Variants in RSRC1 observed in about 807,000 individuals in gnomAD.
The protein encoded by RSRC1 is arginine and serine rich coiled-coil 1.
Under a neutral mutation model 49.1 loss-of-function variants are expected in RSRC1, and 39 were observed. The ratio of observed to expected loss-of-function variants is 0.79; its 90% CI spans 0.61 to 1.04. The LOEUF (loss-of-function observed/expected upper bound fraction) is 1.04. Ranked by LOEUF, RSRC1 falls within the 50% of genes least tolerant of loss-of-function variation. The pLI is 0.00. For synonymous variants in RSRC1, 143 were observed against 130.8 expected (o/e 1.09, Z -0.63); for missense variants, 388 against 402.4 (o/e 0.96, Z 0.31).
intron 6 of RSRC1, among the ~76,000 whole-genome samples, chr3:158,419,083 G>T (rs73172103): frequency 3.3e-5 from 5 of 152,070 alleles, no homozygotes; most frequent in Admixed American, 1.3e-4. Context: ...TAGTCACATT[G>T]AGTGTTATTT....
At chr3:158,423,378 G>C (rs1388317563) in intron 6 of RSRC1, among the ~76,000 whole-genome samples, 1 of 152,048 alleles carries the variant, frequency 6.6e-6, no homozygotes, top group African/African-American at 2.4e-5. Context: ...TCAAAGATCA[G>C]ATAGTTGTAG....
At chr3:158,448,547 T>C (rs1736853922) in intron 6 of RSRC1, among the ~76,000 whole-genome samples, 1 of 151,982 alleles carries the variant, frequency 6.6e-6, no homozygotes, top group South Asian at 2.1e-4. Context: ...TTTAATTGAA[T>C]TTGTTGATTT....
rs529890560 is a variant in RSRC1, at chr3:158,380,712, T to A, written c.583+25804T>A. On this transcript the variant is annotated intron_variant, in intron 6 of 9. Coordinates refer to ENST00000611884, the MANE Select transcript of RSRC1 (RefSeq NM_001271838.2). ...TGGGCAAGTTGTGGGAAAATACCAC[T>A]CTGATGACTTAAAAAAAATTAAGAT... Among the ~76,000 whole-genome samples the A allele has an allele frequency of 1.7e-3, 254 of 152,264 alleles. 1 individual carries two copies. Among genetic ancestry groups the A allele is most frequent in the Non-Finnish European group, 3.0e-3 (202 of 68,006 alleles).
intron 5 of RSRC1, among the ~76,000 whole-genome samples, chr3:158,326,121 G>A (rs1042700079): frequency 6.6e-6 from 1 of 152,160 alleles, no homozygotes; most frequent in Non-Finnish European, 1.5e-5. Context: ...AGCTTAAGGA[G>A]ATTTTGGGCT....
intron 5 of RSRC1, 40 bp from the exon 6 acceptor site, chr3:158,354,817 A>T: frequency 2.0e-6 from 3 of 1,495,328 alleles, no homozygotes; most frequent in Non-Finnish European, 2.7e-6. Flanking sequence ...TGACCTGTAA[A>T]AGTCTTGTAT....
chr3:158,265,198 C>T (rs1341012319), intron 4 of RSRC1, among the ~76,000 whole-genome samples: 1 of 152,174 alleles, frequency 6.6e-6, no homozygotes, highest in Non-Finnish European at 1.5e-5. Flanking sequence ...TTTTTGTTGC[C>T]TAATTTCCAG....
In RSRC1 at chr3:158,545,410, C is replaced by A. The variant is rs867303001; in HGVS notation, c.*1135C>A. The A allele has an allele frequency of 5.9e-5, 9 of 151,772 alleles. No homozygotes were observed. In the Middle Eastern group the frequency reaches 0.021, roughly 347 times the overall value. 9.4% of individuals were successfully genotyped at this position (151,772 alleles called of 1,614,324 possible). A position where few individuals can be genotyped will look rare whatever the true frequency, so the allele number is the denominator to read the frequency against. ...TAGAGATGGGGTTTCACCATTTTAG[C>A]CAGGATGGTCTATTTTCTTCTGTTG... is the stretch of plus-strand genomic sequence containing the variant. On this transcript the variant is annotated 3_prime_UTR_variant, in exon 10 of 10. Coordinates refer to ENST00000611884, the MANE Select transcript of RSRC1 (RefSeq NM_001271838.2).
rs754275121 is a variant in RSRC1, at chr3:158,180,235, C to T, written c.321-22837C>T. On this transcript the variant is annotated intron_variant, in intron 3 of 9. Transcript: ENST00000611884. ...GTGAAGTCTAGTTTTATCAGTTCTTCCTTTTATGGTATCAGATCTATGCTT... is the reference window on the plus strand; with the variant it reads ...GTGAAGTCTAGTTTTATCAGTTCTTTCTTTTATGGTATCAGATCTATGCTT... 4.6e-5 allele frequency among the ~76,000 whole-genome samples: 7 copies of T among 151,866 alleles called. 1 individual carries two copies. Among genetic ancestry groups the T allele is most frequent in the Middle Eastern group, 6.8e-3 (2 of 292 alleles).
At chr3:158,229,423 T>A (rs1416441727) in intron 4 of RSRC1, among the ~76,000 whole-genome samples, 2 of 150,098 alleles carry the variant, frequency 1.3e-5, no homozygotes, top group African/African-American at 4.9e-5. Context: ...TGTGTATGTA[T>A]GTATGTATAT....
chr3:158,516,964 G>A (rs1160789852), intron 7 of RSRC1, among the ~76,000 whole-genome samples: 1 of 152,162 alleles, frequency 6.6e-6, no homozygotes, highest in East Asian at 1.9e-4. Context: ...CTCGTGCACG[G>A]TGCACGCACC....
intron 5 of RSRC1, among the ~76,000 whole-genome samples, chr3:158,351,225 A>G (rs1338100613): frequency 6.6e-6 from 1 of 152,182 alleles, no homozygotes; most frequent in Non-Finnish European, 1.5e-5. Flanking sequence ...CCTAGAAACA[A>G]TGGAAGGGAG....
intron 3 of RSRC1, among the ~76,000 whole-genome samples, chr3:158,177,659 G>A (rs1578167193): frequency 6.6e-6 from 1 of 152,002 alleles, no homozygotes; most frequent in African/African-American, 2.4e-5. Context: ...GGGGGGCTGG[G>A]AGAGGGATAG....
chr3:158,519,115 AT>A (rs1295757108), intron 7 of RSRC1, among the ~76,000 whole-genome samples: 1 of 152,122 alleles, frequency 6.6e-6, no homozygotes, highest in African/African-American at 2.4e-5. Flanking sequence ...ATGAACCATC[AT>A]TTATCTGGTT....
At chr3:158,314,998 A>G (rs1728344620) in intron 5 of RSRC1, among the ~76,000 whole-genome samples, 1 of 150,842 alleles carries the variant, frequency 6.6e-6, no homozygotes, top group African/African-American at 2.4e-5. Flanking sequence ...TGCCACTGCA[A>G]TCCAGCCTGG....
rs1736238048 is a variant in RSRC1, at chr3:158,439,237, A to C, written c.584-21698A>C. ...GGTGGGAGTGTAAATTAGTTCAACC[A>C]TTGTGGAAGACAGTGTGGCAATTCC... On this transcript the variant is annotated intron_variant, in intron 6 of 9. Transcript: ENST00000611884. 2.0e-5 allele frequency among the ~76,000 whole-genome samples: 3 copies of C among 152,160 alleles called. No individual in the cohort carries two copies. The South Asian group carries it at 6.2e-4, about 32-fold the overall frequency.
intron 6 of RSRC1, among the ~76,000 whole-genome samples, chr3:158,381,657 A>C (rs1205231753): frequency 6.6e-6 from 1 of 152,184 alleles, no homozygotes; most frequent in East Asian, 1.9e-4. Context: ...TGTTGCTCCT[A>C]GGCTATAAAC....
chr3:158,226,866 G>A (rs698989), intron 4 of RSRC1, among the ~76,000 whole-genome samples: 86,714 of 151,672 alleles, frequency 0.57, 25,154 homozygotes, highest in East Asian at 0.73. Flanking sequence ...AAATGTATAT[G>A]TTAGTAAATA....
intron 4 of RSRC1, among the ~76,000 whole-genome samples, chr3:158,284,227 AT>A (rs1726365839): frequency 6.6e-6 from 1 of 151,772 alleles, no homozygotes; most frequent in Non-Finnish European, 1.5e-5. Flanking sequence ...TGAACTCATC[AT>A]TTTTTATGGC....
intron 3 of RSRC1, among the ~76,000 whole-genome samples, chr3:158,179,963 G>T (rs960928746): frequency 5.3e-5 from 8 of 151,998 alleles, no homozygotes; most frequent in Non-Finnish European, 8.8e-5. Context: ...ATTTTAATTT[G>T]CATTTCTCTA....
Sources: gnomAD v4.1 joint callset for allele counts (sites outside exome capture counted in the v4.1 genomes callset) on GRCh38, gnomAD v4.1.1 for gene constraint, MANE v1.5 for transcripts, NCBI Gene and HGNC (gene_info 2026-07-23, HGNC 2026-07-21) for gene names.